CRIM1: variants seen among roughly 807,000 people sequenced by gnomAD.
The protein encoded by CRIM1 is cysteine-rich motor neuron 1 protein.
In CRIM1, 32 loss-of-function variants were observed where a neutral mutation model predicts 116.4. The ratio of observed to expected loss-of-function variants is 0.27; its 90% CI spans 0.21 to 0.37. The LOEUF (loss-of-function observed/expected upper bound fraction) is 0.37, where lower values mean the gene tolerates loss of function less well. Ranked by LOEUF, CRIM1 falls within the 10% of genes least tolerant of loss-of-function variation. The pLI, the probability that CRIM1 is intolerant of heterozygous loss-of-function variation, is 1.00. For synonymous variants in CRIM1, 590 were observed against 509.2 expected (o/e 1.16, Z -2.13); for missense variants, 1,331 against 1,354.8 (o/e 0.98, Z 0.28).
chr2:36,414,851 A>G (rs908610982), intron 2 of CRIM1, among the ~76,000 whole-genome samples: 20 of 152,338 alleles, frequency 1.3e-4, no homozygotes, highest in African/African-American at 4.8e-4. Flanking sequence ...TACACAGACA[A>G]CATGGTAAGG....
intron 7 of CRIM1, among the ~76,000 whole-genome samples, chr2:36,496,950 G>A (rs1384311160): frequency 2.0e-5 from 3 of 152,140 alleles, no homozygotes; most frequent in Non-Finnish European, 2.9e-5. Context: ...TCATTTAGAG[G>A]TAGAAGATCA....
chr2:36,468,470 C>T (rs755151208), intron 5 of CRIM1, among the ~76,000 whole-genome samples: 1 of 152,010 alleles, frequency 6.6e-6, no homozygotes, highest in Non-Finnish European at 1.5e-5. Context: ...TGACAAGCGC[C>T]GAAAGGAGAA....
chr2:36,469,584 A>G (rs72865087), intron 5 of CRIM1, among the ~76,000 whole-genome samples: 2,654 of 152,324 alleles, frequency 0.017, 84 homozygotes, highest in African/African-American at 0.061. Flanking sequence ...CGTACCCAGC[A>G]TCAGCTTGCT....
chr2:36,418,606 C>T (rs1195358948), intron 2 of CRIM1, among the ~76,000 whole-genome samples: 1 of 152,144 alleles, frequency 6.6e-6, no homozygotes, highest in Non-Finnish European at 1.5e-5. Context: ...CTTTATTCTG[C>T]CATGTCCGGG....
chr2:36,543,291 T>G (rs1667080412), intron 14 of CRIM1, among the ~76,000 whole-genome samples: 1 of 152,176 alleles, frequency 6.6e-6, no homozygotes, highest in Admixed American at 6.5e-5. Flanking sequence ...TAGCAAGTAC[T>G]CTCTTCTCTA....
intron 8 of CRIM1, among the ~76,000 whole-genome samples, chr2:36,507,727 A>C (rs1175832456): frequency 6.6e-6 from 1 of 152,242 alleles, no homozygotes; most frequent in Non-Finnish European, 1.5e-5. Context: ...GGTAGATTAC[A>C]GACTAGTTTT....
intron 2 of CRIM1, among the ~76,000 whole-genome samples, chr2:36,439,863 A>T (rs1053832897): frequency 6.6e-6 from 1 of 152,058 alleles, no homozygotes; most frequent in Non-Finnish European, 1.5e-5. Context: ...GTCATCCTCC[A>T]CCACCATATC....
At chr2:36,463,924 A>T (rs1407447934) in intron 4 of CRIM1, among the ~76,000 whole-genome samples, 1 of 152,212 alleles carries the variant, frequency 6.6e-6, no homozygotes, top group African/African-American at 2.4e-5. Context: ...CCCTCTCTTT[A>T]TAAAGAGCTC....
intron 5 of CRIM1, among the ~76,000 whole-genome samples, chr2:36,472,044 G>T (rs1678568936): frequency 6.6e-6 from 1 of 152,138 alleles, no homozygotes; most frequent in African/African-American, 2.4e-5. Context: ...GAGTTCTGAA[G>T]TATATTCAAG....
intron 4 of CRIM1, among the ~76,000 whole-genome samples, chr2:36,451,366 A>G (rs539053141): frequency 6.6e-6 from 1 of 152,306 alleles, no homozygotes; most frequent in African/African-American, 2.4e-5. Flanking sequence ...TCTACCAAAC[A>G]ATGAAAACCA....
At chr2:36,472,526 G>A (rs892600000) in intron 5 of CRIM1, among the ~76,000 whole-genome samples, 4 of 151,830 alleles carry the variant, frequency 2.6e-5, no homozygotes, top group African/African-American at 4.8e-5. Context: ...CAGTTCTCTC[G>A]TCAGTCCCAT....
At chr2:36,441,572 C>G in intron 3 of CRIM1, 72 bp downstream of exon 3, 2 of 1,551,168 alleles carry the variant, frequency 1.3e-6, no homozygotes, top group Non-Finnish European at 8.7e-7. Flanking sequence ...CTCAGCCACC[C>G]CTGGCCTCTC....
intron 2 of CRIM1, among the ~76,000 whole-genome samples, chr2:36,416,189 T>C (rs569929552): frequency 6.6e-6 from 1 of 150,446 alleles, no homozygotes; most frequent in South Asian, 2.2e-4. Context: ...GTCTGGGTGA[T>C]AGGGTGGGAT....
rs11409271 is a variant in CRIM1 at position 36,438,143 on chromosome 2, C to CAA, written c.506-3107_506-3106dup. On this transcript the variant is annotated intron_variant, in intron 2 of 16. Coordinates refer to ENST00000280527, the MANE Select transcript of CRIM1 (RefSeq NM_016441.3). ...AAGACTCCATCTCAAAAAAAAAAAA[C>CAA]AAAAAAAAAGAGTGGGATAACCAGT... is the stretch of plus-strand genomic sequence containing the variant. Among the ~76,000 whole-genome samples, 149 of 135,176 alleles carry CAA rather than the reference C, an allele frequency of 1.1e-3. 1 individual carries two copies. The highest frequency in any genetic ancestry group is 4.1e-3 in the African/African-American group (149 of 36,716). The allele number at this position is 135,176 out of a possible 152,430, so 88.7% of individuals were successfully genotyped here.
chr2:36,442,543 G>C (rs1208513250), intron 3 of CRIM1, 72 bp from the exon 4 acceptor site: 2 of 1,579,154 alleles, frequency 1.3e-6, no homozygotes, highest in Non-Finnish European at 1.7e-6. Flanking sequence ...TCAAGAGCTA[G>C]TATTTCATTT....
intron 2 of CRIM1, among the ~76,000 whole-genome samples, chr2:36,428,444 G>A (rs1281863906): frequency 2.6e-5 from 4 of 152,128 alleles, no homozygotes; most frequent in Non-Finnish European, 4.4e-5. Context: ...CATCTTTTTT[G>A]TAGGAAGGAT....
At chr2:36,534,319 AAAG>A (rs1418611852) in intron 13 of CRIM1, among the ~76,000 whole-genome samples, 32 of 123,886 alleles carry the variant, frequency 2.6e-4, no homozygotes, top group Admixed American at 1.8e-3. Context: ...AGGGGGAAGG[AAAG>A]AAGGAGAAAA....
At chr2:36,403,664 C>T (rs922162770) in intron 2 of CRIM1, among the ~76,000 whole-genome samples, 9 of 152,210 alleles carry the variant, frequency 5.9e-5, no homozygotes, top group African/African-American at 2.2e-4. Context: ...AAAGGGAAGA[C>T]TTCCAGATTG....
At chr2:36,471,092 A>G (rs574264432) in intron 5 of CRIM1, among the ~76,000 whole-genome samples, 3 of 152,328 alleles carry the variant, frequency 2.0e-5, no homozygotes, top group Admixed American at 6.5e-5. Flanking sequence ...AATTGCTGCA[A>G]TCTCATGATA....
Sources: allele counts gnomAD v4.1 joint callset (sites outside exome capture counted in the v4.1 genomes callset), GRCh38; gene constraint gnomAD v4.1.1; transcripts MANE v1.5; gene names NCBI Gene and HGNC (gene_info 2026-07-23, HGNC 2026-07-21).